Variants in TNPO2 observed in about 807,000 individuals in gnomAD.
TNPO2 encodes the protein transportin 2, also known as transportin-2.
A neutral mutation model predicts 111.1 loss-of-function variants in TNPO2; 16 were observed. The ratio of observed to expected loss-of-function variants is 0.14; its 90% CI spans 0.10 to 0.22. TNPO2 has a LOEUF of 0.22. TNPO2 is among the 10% of genes least tolerant of loss of function. The pLI is 1.00. For synonymous variants in TNPO2, 481 were observed against 475.8 expected (o/e 1.01, Z -0.14); for missense variants, 530 against 1,173.7 (o/e 0.45, Z 8.01).
rs1316916892 is a variant in TNPO2 at position 12,719,159 on chromosome 19, G to T, written c.195C>A (p.Leu65=). 2 of 1,614,028 alleles carry T rather than the reference G, an allele frequency of 1.2e-6. No homozygotes were observed. The highest frequency in any genetic ancestry group is 1.7e-6 in the Non-Finnish European group (2 of 1,179,894). ...CGTTGTTCTTGAGGATGAGGCCACT[G>T]AGAGAGCGCGTTGGCTCATCTGGGA... The part of the protein sequence containing the change: ...LKSEDEPTRS[L]SGLILKNNVK... Residue 65 remains leucine, a synonymous_variant, in exon 5 of 26, where the codon CTC becomes CTA. Coordinates refer to ENST00000425528, the MANE Select transcript of TNPO2 (RefSeq NM_001382241.1). This position sits in a 1 kb window ranked among gnomAD's most constrained non-coding sequence, Gnocchi z 5.0.
At chr19:12,703,875 C>A in intron 18 of TNPO2, 74 bp from the exon 19 acceptor site, 1 of 1,317,226 alleles carries the variant, frequency 7.6e-7, no homozygotes, top group Non-Finnish European at 1.0e-6. Context: ...GGCACAGTCC[C>A]TGGTGCATGT....
chr19:12,716,059 T>C (rs557447002), intron 5 of TNPO2, among the ~76,000 whole-genome samples: 1 of 152,072 alleles, frequency 6.6e-6, no homozygotes, highest in Admixed American at 6.5e-5. Context: ...TTTGTAGAGA[T>C]GGGATCTCAC....
At chr19:12,704,978 AC>A (rs1377359375) in intron 18 of TNPO2, among the ~76,000 whole-genome samples, 31 of 152,054 alleles carry the variant, frequency 2.0e-4, no homozygotes, top group African/African-American at 7.2e-4. Flanking sequence ...ACCTGGCCTC[AC>A]ATTTTCTATT....
At position 12,705,943 on chromosome 19, in the gene TNPO2, G is replaced by A. The variant is rs2025628850; in HGVS notation, c.1669-175C>T. On this transcript the variant is annotated intron_variant, in intron 15 of 25. Coordinates refer to ENST00000425528, the MANE Select transcript of TNPO2 (RefSeq NM_001382241.1). The surrounding 1 kb of genome is among the most constrained non-coding windows in gnomAD (Gnocchi z 7.2). ...CATTCTTCTCACCTGTCCAAGCACC[G>A]CCCGCCCCACCCCACCCCCCGGGAG... The A allele has an allele frequency of 6.0e-6, 4 of 664,002 alleles. No homozygotes were observed. The highest frequency in any genetic ancestry group is 2.8e-5 in the East Asian group (1 of 36,128). The allele number at this position is 664,002 out of a possible 1,614,324, so 41.1% of individuals were successfully genotyped here.
chr19:12,707,180 G>A (rs144141567), intron 13 of TNPO2, among the ~76,000 whole-genome samples: 2 of 151,890 alleles, frequency 1.3e-5, no homozygotes, highest in Admixed American at 1.3e-4. Flanking sequence ...TATATTTTCA[G>A]TAGAGACAGG....
chr19:12,707,583 G>A (rs187296764), intron 13 of TNPO2, among the ~76,000 whole-genome samples: 5 of 136,248 alleles, frequency 3.7e-5, no homozygotes, highest in South Asian at 5.0e-4. Context: ...TCTGCCTCCC[G>A]GGTTCAAGTG....
At chr19:12,710,554 G>GGCTA in intron 13 of TNPO2, 67 bp downstream of exon 13, 3 of 1,558,424 alleles carry the variant, frequency 1.9e-6, no homozygotes, top group Non-Finnish European at 2.6e-6. Flanking sequence ...GCATTGGTGT[G>GGCTA]GCTAGTAATG....
In TNPO2 at chr19:12,706,644, G is replaced by A. The variant is rs2025688326; in HGVS notation, c.1422C>T (p.His474=). 5.0e-6 allele frequency: 8 copies of A among 1,613,904 alleles called. No homozygotes were observed. Among genetic ancestry groups the A allele is most frequent in the East Asian group, 2.2e-5 (1 of 44,896 alleles). ...HWVVSQPPDM[H]LKPLMTELLK... ...GCAGCTCTGTCATCAGGGGCTTGAG[G>A]TGCATGTCGGGTGGCTGGCTGACCA... Residue 474 remains histidine, a synonymous_variant, in exon 14 of 26, where the codon CAC becomes CAT. Transcript: ENST00000425528. This position sits in a 1 kb window ranked among gnomAD's most constrained non-coding sequence, Gnocchi z 7.0.
chr19:12,713,452 C>G (rs2026178118), intron 10 of TNPO2, among the ~76,000 whole-genome samples: 1 of 140,024 alleles, frequency 7.1e-6, no homozygotes. Context: ...CCAATTGGGA[C>G]AATATAGTGA....
In TNPO2 at chr19:12,721,005, G is replaced by A. The variant is rs763561042; in HGVS notation, c.-13-15C>T. On this transcript the variant is annotated splice_polypyrimidine_tract_variant and intron_variant, in intron 2 of 25. Transcript: ENST00000425528. This position sits in a 1 kb window ranked among gnomAD's most constrained non-coding sequence, Gnocchi z 4.9. ...CGCAAGGCAAGCTGCGGAGGTAGGG[G>A]CCGGGGTCAGCGCTGGGTCTCTGGG... 1 of 1,549,536 alleles carries A rather than the reference G, an allele frequency of 6.5e-7. No individual in the cohort carries two copies.
At chr19:12,723,462 A>C (rs990015336) in intron 1 of TNPO2, 97 bp from the exon 2 acceptor site, 2 of 152,058 alleles carry the variant, frequency 1.3e-5, no homozygotes, top group Non-Finnish European at 2.9e-5. Context: ...ACCTCCTGCC[A>C]CTTGAAGCCT....
At chr19:12,713,409 G>C (rs1416873329) in intron 10 of TNPO2, among the ~76,000 whole-genome samples, 1 of 151,950 alleles carries the variant, frequency 6.6e-6, no homozygotes, top group African/African-American at 2.4e-5. Flanking sequence ...GGAGACCAAT[G>C]CAGGAGGATT....
chr19:12,703,693 G>C, intron 19 of TNPO2, 21 bp downstream of exon 19: 4 of 1,604,910 alleles, frequency 2.5e-6, no homozygotes, highest in Non-Finnish European at 3.4e-6. Flanking sequence ...TCATGGGTTA[G>C]GGACAAGGCG....
Position 12,706,897 on chromosome 19 carries a change from G to A in TNPO2, c.1271-102C>T, listed in dbSNP as rs1461038602. 3.0e-6 allele frequency: 3 copies of A among 997,958 alleles called. No individual in the cohort carries two copies. The highest frequency in any genetic ancestry group is 4.5e-6 in the Non-Finnish European group (3 of 665,654). The allele number at this position is 997,958 out of a possible 1,614,324, so 61.8% of individuals were successfully genotyped here. A position where few individuals can be genotyped will look rare whatever the true frequency, so the allele number is the denominator to read the frequency against. Reference sequence around the variant, plus strand: ...CGCACACAACATATAGGGAAACTGAGGCTTAGAGTTTAAATCACTGGCCCA... The same window carrying A: ...CGCACACAACATATAGGGAAACTGAAGCTTAGAGTTTAAATCACTGGCCCA... On this transcript the variant is annotated intron_variant, in intron 13 of 25. Coordinates refer to ENST00000425528, the MANE Select transcript of TNPO2 (RefSeq NM_001382241.1). This position sits in a 1 kb window ranked among gnomAD's most constrained non-coding sequence, Gnocchi z 7.0.
At chr19:12,707,635 C>T (rs928984371) in intron 13 of TNPO2, among the ~76,000 whole-genome samples, 4 of 148,694 alleles carry the variant, frequency 2.7e-5, no homozygotes, top group Non-Finnish European at 3.0e-5. Flanking sequence ...ACTGCAGGCG[C>T]CCGCCACCAT....
In TNPO2 at chr19:12,711,289, C is replaced by A; in HGVS notation, c.1117+7G>T. On this transcript the variant is annotated splice_region_variant and intron_variant, in intron 12 of 25. Transcript: ENST00000425528. ...CCCCACCACCACCCCCAGGCAGGGG[C>A]ACACACTCAAATTCCAGTCGGACAG... 1 of 1,611,474 alleles carries A rather than the reference C, an allele frequency of 6.2e-7. No individual in the cohort carries two copies.
intron 10 of TNPO2, among the ~76,000 whole-genome samples, chr19:12,712,831 CTT>C (rs914232166): frequency 3.3e-5 from 5 of 152,178 alleles, no homozygotes; most frequent in South Asian, 2.1e-4. Context: ...TCTATTATCT[CTT>C]TGTCTTGTGT....
chr19:12,721,325 C>T lies in TNPO2; in HGVS notation c.-13-335G>A, dbSNP rs1361741532. ...CCCCGGCTCCGAGCCCGAAGGCTTC[C>T]ACCTCCCTCGCAGCGGCTGGGCGAG... On this transcript the variant is annotated intron_variant, in intron 2 of 25. Transcript: ENST00000425528. The surrounding 1 kb of genome is among the most constrained non-coding windows in gnomAD (Gnocchi z 4.9). 8.6e-6 allele frequency: 11 copies of T among 1,282,948 alleles called. No individual in the cohort carries two copies. The South Asian group carries it at 1.0e-4, about 12-fold the overall frequency. The allele number at this position is 1,282,948 out of a possible 1,614,324, so 79.5% of individuals were successfully genotyped here.
intron 13 of TNPO2, among the ~76,000 whole-genome samples, chr19:12,709,025 G>A (rs2025875053): frequency 6.7e-6 from 1 of 148,188 alleles, no homozygotes; most frequent in Non-Finnish European, 1.5e-5. Flanking sequence ...GGCGATAAGA[G>A]GGAGACTCCA....
Sources: gnomAD v4.1 joint callset for allele counts (sites outside exome capture counted in the v4.1 genomes callset) on GRCh38, gnomAD v4.1.1 for gene constraint, Gnocchi (gnomAD v3.1) non-coding constraint, MANE v1.5 for transcripts, NCBI Gene and HGNC (gene_info 2026-07-23, HGNC 2026-07-21) for gene names.